The following NAV3 variants were observed in gnomAD, a reference collection of about 807,000 sequenced individuals.
NAV3 encodes the protein neuron navigator 3.
In NAV3, 87 loss-of-function variants were observed where a neutral mutation model predicts 244.7. That is an observed-to-expected ratio of 0.36 (90% CI 0.30 to 0.42). The LOEUF (loss-of-function observed/expected upper bound fraction) is 0.42, where lower values mean the gene tolerates loss of function less well. Among genes scored for constraint, NAV3 ranks in the 20% least tolerant of loss-of-function variants. The pLI is 1.00. For synonymous variants in NAV3, 1,126 were observed against 1,042.2 expected, an observed-to-expected ratio of 1.08 and a Z score of -1.55; for missense variants, 2,663 against 2,893.3, an observed-to-expected ratio of 0.92 and a Z score of 1.83.
intron 9 of NAV3, among the ~76,000 whole-genome samples, chr12:78,023,507 G>T (rs1593304166): frequency 6.6e-6 from 1 of 152,202 alleles, no homozygotes; most frequent in East Asian, 1.9e-4. Flanking sequence ...TTCAGTCTAG[G>T]ATTTTGATAA....
intron 19 of NAV3, among the ~76,000 whole-genome samples, chr12:78,139,656 G>T (rs944613113): frequency 6.6e-6 from 1 of 151,926 alleles, no homozygotes; most frequent in Non-Finnish European, 1.5e-5. Context: ...AATGTTTACA[G>T]TGATATTTTG....
At chr12:77,751,703 G>A (rs1369786913) in intron 2 of NAV3, among the ~76,000 whole-genome samples, 1 of 152,120 alleles carries the variant, frequency 6.6e-6, no homozygotes, top group Non-Finnish European at 1.5e-5. Flanking sequence ...AGCAGCATGA[G>A]AATGGACTAA....
At chr12:77,900,942 G>C (rs1355265858) in intron 1 of NAV3, among the ~76,000 whole-genome samples, 2 of 152,206 alleles carry the variant, frequency 1.3e-5, no homozygotes, top group African/African-American at 4.8e-5. Flanking sequence ...GTTTGAGATG[G>C]TATCTTATAG....
At position 78,206,771 on chromosome 12, in the gene NAV3, G is replaced by T. The variant is rs1329909741; in HGVS notation, c.7038+1633G>T. On this transcript the variant is annotated intron_variant, in intron 39 of 39. Coordinates refer to ENST00000397909, the MANE Select transcript of NAV3 (RefSeq NM_001024383.2). ...AGGTCTTACATGCTAAATGGTAAAA[G>T]ACGTCATCTAAAACTAAATATTTGG... Among the ~76,000 whole-genome samples the T allele has an allele frequency of 3.3e-5, 5 of 151,546 alleles. No homozygotes were observed. In the South Asian group the frequency reaches 6.3e-4, roughly 19 times the overall value.
chr12:78,019,927 A>G (rs1462185793), intron 8 of NAV3, among the ~76,000 whole-genome samples: 1 of 152,194 alleles, frequency 6.6e-6, no homozygotes. Context: ...CCAAGAAGAA[A>G]TGTCAATTAG....
chr12:77,742,771 A>G (rs1256465028), intron 2 of NAV3, among the ~76,000 whole-genome samples: 2 of 152,040 alleles, frequency 1.3e-5, no homozygotes, highest in Non-Finnish European at 2.9e-5. Context: ...ATAATTTTGT[A>G]GTTACCTTCT....
intron 12 of NAV3, among the ~76,000 whole-genome samples, chr12:78,107,349 T>C (rs537139760): frequency 1.2e-3 from 189 of 152,142 alleles, no homozygotes; most frequent in African/African-American, 4.5e-3. Flanking sequence ...ATATGAAAAC[T>C]TCCTAAGTCT....
chr12:77,797,595 C>A (rs1871483958), intron 2 of NAV3, among the ~76,000 whole-genome samples: 1 of 140,624 alleles, frequency 7.1e-6, no homozygotes, highest in Non-Finnish European at 1.5e-5. Context: ...GTAATCCCAG[C>A]ACTTTGGGAG....
At chr12:77,909,567 TA>T (rs1886367313) in intron 1 of NAV3, among the ~76,000 whole-genome samples, 1 of 152,098 alleles carries the variant, frequency 6.6e-6, no homozygotes, top group South Asian at 2.1e-4. Context: ...AGTTCTTTAC[TA>T]AAATATTAGC....
intron 23 of NAV3, among the ~76,000 whole-genome samples, chr12:78,168,455 A>G (rs999970618): frequency 2.0e-5 from 3 of 151,810 alleles, no homozygotes; most frequent in African/African-American, 7.3e-5. Flanking sequence ...GAGTGGTGTG[A>G]TATCCTGCTT....
chr12:77,859,557 A>G (rs1166980014), intron 1 of NAV3, among the ~76,000 whole-genome samples: 2 of 151,536 alleles, frequency 1.3e-5, no homozygotes, highest in East Asian at 3.9e-4. Flanking sequence ...AGCATGGCAC[A>G]TGTATATGTA....
chr12:78,197,472 T>C (rs1959193265), intron 35 of NAV3, 71 bp downstream of exon 35: 1 of 1,102,032 alleles, frequency 9.1e-7, no homozygotes, highest in Non-Finnish European at 1.3e-6. Flanking sequence ...CTTGTACCTG[T>C]ATGCATTTTT....
At chr12:77,963,398 T>C (rs1892203774) in intron 3 of NAV3, among the ~76,000 whole-genome samples, 1 of 152,148 alleles carries the variant, frequency 6.6e-6, no homozygotes, top group Admixed American at 6.6e-5. Flanking sequence ...CAAGATATCT[T>C]AAAACCACTT....
chr12:77,848,316 G>T (rs1180164817), intron 1 of NAV3, among the ~76,000 whole-genome samples: 3 of 152,196 alleles, frequency 2.0e-5, no homozygotes, highest in Non-Finnish European at 4.4e-5. Flanking sequence ...GTCTCAGACA[G>T]GGAGGAAGAA....
At chr12:77,672,237 A>T (rs1874011038) in intron 2 of NAV3, among the ~76,000 whole-genome samples, 1 of 152,016 alleles carries the variant, frequency 6.6e-6, no homozygotes, top group Non-Finnish European at 1.5e-5. Context: ...AAAAAATAAT[A>T]AAAAAATAGA....
intron 9 of NAV3, among the ~76,000 whole-genome samples, chr12:78,027,293 G>GTTCA (rs1351433448): frequency 6.6e-6 from 1 of 151,792 alleles, no homozygotes; most frequent in Non-Finnish European, 1.5e-5. Context: ...AATTCAAATT[G>GTTCA]TTCAGGCATG....
At chr12:77,940,497 A>C in intron 2 of NAV3, 61 bp downstream of exon 2, 2 of 1,347,630 alleles carry the variant, frequency 1.5e-6, no homozygotes, top group South Asian at 1.3e-5. Context: ...TTGGTAAAGC[A>C]CAACTTAAGT....
intron 19 of NAV3, among the ~76,000 whole-genome samples, chr12:78,137,826 C>A (rs983685976): frequency 9.9e-5 from 15 of 152,064 alleles, no homozygotes; most frequent in African/African-American, 3.4e-4. Context: ...ATTGTACCTA[C>A]TTTTTTGCTT....
rs555195888 is a variant in NAV3 at position 78,196,443 on chromosome 12, C to T, written c.6292-804C>T. Among the ~76,000 whole-genome samples the T allele has an allele frequency of 1.1e-4, 17 of 151,902 alleles. No individual in the cohort carries two copies. The South Asian group carries it at 3.3e-3, about 30-fold the overall frequency. On this transcript the variant is annotated intron_variant, in intron 34 of 39. Transcript: ENST00000397909. ...TGGAATTGTTTTATAACCCTGAGCA[C>T]GATTTGCAAATTGAAAATGTCATTG...
Sources: allele counts gnomAD v4.1 joint callset (sites outside exome capture counted in the v4.1 genomes callset), GRCh38; gene constraint gnomAD v4.1.1; transcripts MANE v1.5; gene names NCBI Gene and HGNC (gene_info 2026-07-23, HGNC 2026-07-21).